The following ERC2 variants were observed in gnomAD, a reference collection of about 807,000 sequenced individuals.
ERC2 encodes ELKS/RAB6-interacting/CAST family member 2.
Under a neutral mutation model 114.8 loss-of-function variants are expected in ERC2, and 42 were observed. The ratio of observed to expected loss-of-function variants is 0.37; its 90% CI spans 0.29 to 0.47. ERC2 has a LOEUF of 0.47. Among genes scored for constraint, ERC2 ranks in the 20% least tolerant of loss-of-function variants. The pLI is 0.99. For synonymous variants in ERC2, 454 were observed against 425.5 expected (o/e 1.07, Z -0.82); for missense variants, 939 against 1,150.7 (o/e 0.82, Z 2.66).
intron 2 of ERC2, among the ~76,000 whole-genome samples, chr3:56,372,530 C>T (rs967730481): frequency 6.6e-6 from 1 of 152,036 alleles, no homozygotes; most frequent in African/African-American, 2.4e-5. Flanking sequence ...GAGTACAAGA[C>T]CAGCTTGGGC....
At chr3:55,915,551 A>C (rs1427937172) in intron 13 of ERC2, among the ~76,000 whole-genome samples, 1 of 152,190 alleles carries the variant, frequency 6.6e-6, no homozygotes, top group Non-Finnish European at 1.5e-5. Context: ...GAGAAAAGTG[A>C]ATTTGGATTC....
intron 14 of ERC2, among the ~76,000 whole-genome samples, chr3:55,824,946 CTA>C (rs1483961792): frequency 6.6e-6 from 1 of 152,166 alleles, no homozygotes; most frequent in Non-Finnish European, 1.5e-5. Flanking sequence ...TGTTTCCTCT[CTA>C]TTTTAGATAA....
At chr3:55,676,145 A>T (rs1158848751) in intron 17 of ERC2, among the ~76,000 whole-genome samples, 1 of 148,808 alleles carries the variant, frequency 6.7e-6, no homozygotes, top group Non-Finnish European at 1.5e-5. Context: ...CTGGTCTTGA[A>T]CTCCTGACCT....
At chr3:55,645,264 C>A (rs937561722) in intron 17 of ERC2, among the ~76,000 whole-genome samples, 1 of 152,160 alleles carries the variant, frequency 6.6e-6, no homozygotes, top group Non-Finnish European at 1.5e-5. Context: ...CATGTCTTCC[C>A]AATCAGGTTG....
intron 2 of ERC2, among the ~76,000 whole-genome samples, chr3:56,422,324 G>A (rs771323283): frequency 6.6e-6 from 1 of 152,160 alleles, no homozygotes; most frequent in Non-Finnish European, 1.5e-5. Flanking sequence ...ACCTGAAAGG[G>A]TCTGCCAGGC....
At chr3:56,184,486 C>T (rs1033113970) in intron 3 of ERC2, among the ~76,000 whole-genome samples, 1 of 152,038 alleles carries the variant, frequency 6.6e-6, no homozygotes, top group Non-Finnish European at 1.5e-5. Context: ...TATGTAAAGC[C>T]CCATGCTTCC....
intron 2 of ERC2, among the ~76,000 whole-genome samples, chr3:56,350,340 A>G (rs778545898): frequency 6.6e-6 from 1 of 152,234 alleles, no homozygotes; most frequent in Non-Finnish European, 1.5e-5. Context: ...AGGAATTTGT[A>G]AATGGCCTCT....
chr3:55,630,432 G>T (rs1370846182), intron 17 of ERC2, among the ~76,000 whole-genome samples: 1 of 152,176 alleles, frequency 6.6e-6, no homozygotes, highest in Non-Finnish European at 1.5e-5. Context: ...ACCTTCCAAA[G>T]TGCTGGGATT....
intron 3 of ERC2, among the ~76,000 whole-genome samples, chr3:56,195,500 CGT>C (rs112067114): frequency 1.1e-4 from 16 of 150,008 alleles, no homozygotes; most frequent in South Asian, 2.1e-4. Context: ...TGCGTGTGTG[CGT>C]GTGTGTGTGT....
chr3:56,357,893 C>A lies in ERC2; in HGVS notation c.658-61458G>T, dbSNP rs578083798. ...ATTTATGGCCCCCACTCCAGGTGTG[C>A]CTGAATCTATTCTGAGGCACCAACC... is the stretch of plus-strand genomic sequence containing the variant. On this transcript the variant is annotated intron_variant, in intron 2 of 17. Coordinates refer to ENST00000288221, the MANE Select transcript of ERC2 (RefSeq NM_015576.3). Among the ~76,000 whole-genome samples the A allele has an allele frequency of 1.4e-4, 21 of 151,396 alleles. 1 individual carries two copies. The East Asian group carries it at 4.1e-3, about 29-fold the overall frequency.
intron 3 of ERC2, among the ~76,000 whole-genome samples, chr3:56,180,900 A>G (rs2083254182): frequency 6.6e-6 from 1 of 152,222 alleles, no homozygotes; most frequent in Non-Finnish European, 1.5e-5. Flanking sequence ...GAGAGTAACC[A>G]TCATCTTGAA....
At chr3:55,881,828 A>G (rs774702395) in intron 14 of ERC2, among the ~76,000 whole-genome samples, 2 of 152,230 alleles carry the variant, frequency 1.3e-5, no homozygotes, top group African/African-American at 4.8e-5. Flanking sequence ...ACAATTATGA[A>G]ATGTTTTAGC....
chr3:55,855,943 C>A (rs139258702), intron 14 of ERC2, among the ~76,000 whole-genome samples: 1 of 152,152 alleles, frequency 6.6e-6, no homozygotes, highest in Non-Finnish European at 1.5e-5. Flanking sequence ...ATTTGGCCAT[C>A]GACCTCCAGG....
At chr3:56,340,055 ATTTGTTCTC>A (rs2058025814) in intron 2 of ERC2, among the ~76,000 whole-genome samples, 1 of 152,240 alleles carries the variant, frequency 6.6e-6, no homozygotes. Flanking sequence ...AGCATACTTT[ATTTGTTCTC>A]TTATTAATTA....
In ERC2 at chr3:56,010,446, C is replaced by T. The variant is rs1405096357; in HGVS notation, c.1920+3G>A. The T allele has an allele frequency of 1.3e-5, 21 of 1,611,916 alleles. No homozygotes were observed. The highest frequency in any genetic ancestry group is 1.6e-5 in the Non-Finnish European group (19 of 1,179,212). ...TGTGGTTCATTTGTTTTTCCAGACT[C>T]ACCTCTTTCTCAGTCAGTTCAGCCT... On this transcript the variant is annotated splice_donor_region_variant and intron_variant, in intron 9 of 17. Coordinates refer to ENST00000288221, the MANE Select transcript of ERC2 (RefSeq NM_015576.3).
At chr3:56,355,457 C>T (rs1278360713) in intron 2 of ERC2, among the ~76,000 whole-genome samples, 8 of 151,860 alleles carry the variant, frequency 5.3e-5, no homozygotes, top group Non-Finnish European at 1.2e-4. Flanking sequence ...TAGCTGAGAC[C>T]ACAGGCATGC....
chr3:56,221,165 TTTC>T (rs1210983030), intron 3 of ERC2, among the ~76,000 whole-genome samples: 2 of 151,972 alleles, frequency 1.3e-5, no homozygotes, highest in East Asian at 3.9e-4. Context: ...AATTGAAAAT[TTTC>T]AAATTAGATT....
At chr3:55,856,729 T>C (rs1292332190) in intron 14 of ERC2, among the ~76,000 whole-genome samples, 1 of 152,190 alleles carries the variant, frequency 6.6e-6, no homozygotes, top group African/African-American at 2.4e-5. Flanking sequence ...ATGTTCATAG[T>C]AGTATTATTC....
At chr3:55,989,077 A>C (rs2070855216) in intron 11 of ERC2, among the ~76,000 whole-genome samples, 1 of 152,202 alleles carries the variant, frequency 6.6e-6, no homozygotes, top group Non-Finnish European at 1.5e-5. Flanking sequence ...TTCCCAGACA[A>C]TGCTCTGCTG....
Sources: gnomAD v4.1 joint callset for allele counts (sites outside exome capture counted in the v4.1 genomes callset) on GRCh38, gnomAD v4.1.1 for gene constraint, MANE v1.5 for transcripts, NCBI Gene and HGNC (gene_info 2026-07-23, HGNC 2026-07-21) for gene names.